TBC1D20: variants seen among roughly 807,000 people sequenced by gnomAD.
TBC1D20 encodes TBC1 domain family member 20, also known as chromosome 20 open reading frame 140.
In TBC1D20, 12 loss-of-function variants were observed where a neutral mutation model predicts 41.6. That is an observed-to-expected ratio of 0.29 (90% confidence interval 0.18 to 0.47). TBC1D20 has a LOEUF of 0.47. TBC1D20 is among the 20% of genes least tolerant of loss of function. The probability of loss-of-function intolerance (pLI) is 1.00; values close to 1 mark genes in which losing one functional copy is unlikely to be tolerated. For synonymous variants in TBC1D20, 205 were observed against 204.8 expected (o/e 1.00, Z -0.01); for missense variants, 421 against 517.4 (o/e 0.81, Z 1.81).
intron 1 of TBC1D20, among the ~76,000 whole-genome samples, chr20:452,517 T>TG (rs1270812341): frequency 3.3e-5 from 5 of 152,106 alleles, no homozygotes. Context: ...CTCAGGAGGC[T>TG]GGGGCGAGAG....
chr20:452,232 C>T (rs941596324), intron 1 of TBC1D20, among the ~76,000 whole-genome samples: 38 of 152,110 alleles, frequency 2.5e-4, no homozygotes, highest in South Asian at 8.3e-4. Context: ...GCTTGAACCC[C>T]GGTGGCAGAG....
At chr20:442,351 T>C (rs1821718295) in intron 3 of TBC1D20, among the ~76,000 whole-genome samples, 1 of 152,226 alleles carries the variant, frequency 6.6e-6, no homozygotes, top group Non-Finnish European at 1.5e-5. Flanking sequence ...CCCGAGGTGA[T>C]GCACTGACAG....
chr20:462,205 C>G (rs1385042459), intron 1 of TBC1D20, 131 bp downstream of exon 1: 1 of 494,202 alleles, frequency 2.0e-6, no homozygotes, highest in Non-Finnish European at 2.8e-6. Flanking sequence ...GCCTGTTCCT[C>G]TCGCCGCCCG....
At chr20:453,012 G>A (rs1358093215) in intron 1 of TBC1D20, among the ~76,000 whole-genome samples, 1 of 151,642 alleles carries the variant, frequency 6.6e-6, no homozygotes, top group Non-Finnish European at 1.5e-5. Context: ...AGCCGGGCGT[G>A]GTGGCACAGG....
At chr20:450,020 A>C (rs141242631) in intron 1 of TBC1D20, among the ~76,000 whole-genome samples, 2 of 152,188 alleles carry the variant, frequency 1.3e-5, no homozygotes, top group Admixed American at 6.6e-5. Flanking sequence ...TTACTGTAAC[A>C]ATTTTTTCCT....
rs760823324 is a variant in TBC1D20, at chr20:445,171, A to G, written c.257-41T>C. On this transcript the variant is annotated intron_variant, in intron 2 of 7. Coordinates refer to ENST00000354200, the MANE Select transcript of TBC1D20 (RefSeq NM_144628.4). ...GCACGTTATTGCAGGAATGCCTGAG[A>G]AGCCAGACCAGAAGCAAAACATTCT... The G allele has an allele frequency of 2.6e-4, 397 of 1,499,900 alleles. 2 individuals are homozygous for G. Among genetic ancestry groups the G allele is most frequent in the Non-Finnish European group, 2.0e-4 (218 of 1,095,476 alleles). 92.9% of individuals were successfully genotyped at this position (1,499,900 alleles called of 1,614,324 possible). A position where few individuals can be genotyped will look rare whatever the true frequency, so the allele number is the denominator to read the frequency against.
chr20:451,526 C>T lies in TBC1D20; in HGVS notation c.71-3452G>A, dbSNP rs560484566. ...TAGCGTCACTGCACTCTAGCCTGGA[C>T]GTCAGAGCAAGACTCTGTCTCAAAA... On this transcript the variant is annotated intron_variant, in intron 1 of 7. Transcript: ENST00000354200. Among the ~76,000 whole-genome samples the T allele has an allele frequency of 9.5e-4, 144 of 152,236 alleles. 1 individual carries two copies. The highest frequency in any genetic ancestry group is 3.3e-3 in the African/African-American group (139 of 41,546).
In TBC1D20 at chr20:439,030, C is replaced by T; in HGVS notation, c.956+78G>A. On this transcript the variant is annotated intron_variant, in intron 7 of 7. Transcript: ENST00000354200. The surrounding 1 kb of genome is among the most constrained non-coding windows in gnomAD (Gnocchi z 4.6). ...CTCTGGAAACATGCCCCAACCCTAT[C>T]CCACCAGACACAAACCTTCCCTCGC... The T allele has an allele frequency of 6.5e-7, 1 of 1,529,910 alleles. No individual in the cohort carries two copies. The highest frequency in any genetic ancestry group is 1.9e-5 in the Admixed American group (1 of 52,326). 94.8% of individuals were successfully genotyped at this position (1,529,910 alleles called of 1,614,324 possible). A position where few individuals can be genotyped will look rare whatever the true frequency, so the allele number is the denominator to read the frequency against.
At position 449,953 on chromosome 20, in the gene TBC1D20, T is replaced by C. The variant is rs1415860312; in HGVS notation, c.71-1879A>G. ...GCATATCTAGCAGTTAGTGTCAATG[T>C]TTTCATACAAGAATGTCCATTCTTA... On this transcript the variant is annotated intron_variant, in intron 1 of 7. Coordinates refer to ENST00000354200, the MANE Select transcript of TBC1D20 (RefSeq NM_144628.4). 2.6e-5 allele frequency among the ~76,000 whole-genome samples: 4 copies of C among 152,210 alleles called. No individual in the cohort carries two copies. In the East Asian group the frequency reaches 7.7e-4, roughly 29 times the overall value.
chr20:438,922 C>A, intron 7 of TBC1D20, 81 bp from the exon 8 acceptor site: 1 of 1,548,028 alleles, frequency 6.5e-7, no homozygotes. Context: ...AGGCTGCGGG[C>A]AGAGCCTTTC....
chr20:457,695 T>C (rs1045101168), intron 1 of TBC1D20, among the ~76,000 whole-genome samples: 3 of 152,162 alleles, frequency 2.0e-5, no homozygotes, highest in Non-Finnish European at 2.9e-5. Context: ...CAGAAGCAGG[T>C]AGCACCGCAG....
chr20:457,421 T>C (rs1326916636), intron 1 of TBC1D20, among the ~76,000 whole-genome samples: 1 of 151,674 alleles, frequency 6.6e-6, no homozygotes, highest in Non-Finnish European at 1.5e-5. Context: ...GGGGTCTCAT[T>C]ATGTTGCCCA....
chr20:461,565 T>C (rs1000434245), intron 1 of TBC1D20, among the ~76,000 whole-genome samples: 3 of 152,204 alleles, frequency 2.0e-5, no homozygotes, highest in Non-Finnish European at 4.4e-5. Flanking sequence ...CCTCGCTGTG[T>C]TTCCCAGCCT....
chr20:447,121 G>GT (rs1303813981), intron 2 of TBC1D20, among the ~76,000 whole-genome samples: 7 of 138,994 alleles, frequency 5.0e-5, no homozygotes, highest in African/African-American at 1.9e-4. Flanking sequence ...GCTAATGTTC[G>GT]TATTTTTTTT....
chr20:440,141 G>A, intron 6 of TBC1D20, 107 bp downstream of exon 6: 3 of 1,409,696 alleles, frequency 2.1e-6, no homozygotes, highest in East Asian at 2.5e-5. Context: ...CCTGGGAAGT[G>A]CTGTCTTTTG....
chr20:462,505 A>T lies in TBC1D20; in HGVS notation c.-100T>A. The T allele has an allele frequency of 3.0e-6, 2 of 663,434 alleles. No individual in the cohort carries two copies. Among genetic ancestry groups the T allele is most frequent in the Non-Finnish European group, 4.0e-6 (2 of 502,980 alleles). 41.1% of individuals were successfully genotyped at this position (663,434 alleles called of 1,614,324 possible). On this transcript the variant is annotated 5_prime_UTR_variant, in exon 1 of 8. Coordinates refer to ENST00000354200, the MANE Select transcript of TBC1D20 (RefSeq NM_144628.4). ...GACGTAGCACCCGCTCGGCATCGGC[A>T]GGCTCCCCTCCGTCGGCCAGCGGCG...
At chr20:457,028 C>A (rs1406057719) in intron 1 of TBC1D20, among the ~76,000 whole-genome samples, 1 of 150,726 alleles carries the variant, frequency 6.6e-6, no homozygotes, top group Non-Finnish European at 1.5e-5. Context: ...CCTCCACCTC[C>A]CAGGTTCAAG....
At chr20:445,157 C>T in intron 2 of TBC1D20, 27 bp from the exon 3 acceptor site, 1 of 1,554,368 alleles carries the variant, frequency 6.4e-7, no homozygotes, top group Non-Finnish European at 8.8e-7. Context: ...CACGTTATTG[C>T]AGGAATGCCT....
rs1424938669 is a variant in TBC1D20, at chr20:447,790, C to T, written c.256+99G>A. On this transcript the variant is annotated intron_variant, in intron 2 of 7. Coordinates refer to ENST00000354200, the MANE Select transcript of TBC1D20 (RefSeq NM_144628.4). ...AAAACACCCTAGATTTATTCATATA[C>T]CCTTGGTTTGAAAGGACCATAAAAA... 9 of 1,051,870 alleles carry T rather than the reference C, an allele frequency of 8.6e-6. No individual in the cohort carries two copies. In the East Asian group the frequency reaches 2.3e-4, roughly 27 times the overall value. The allele number at this position is 1,051,870 out of a possible 1,614,324, so 65.2% of individuals were successfully genotyped here.
Sources: gnomAD v4.1 joint callset for allele counts (sites outside exome capture counted in the v4.1 genomes callset) on GRCh38, gnomAD v4.1.1 for gene constraint, Gnocchi (gnomAD v3.1) non-coding constraint, MANE v1.5 for transcripts, NCBI Gene and HGNC (gene_info 2026-07-23, HGNC 2026-07-21) for gene names.